ILDR2: variants seen among roughly 807,000 people sequenced by gnomAD.
The protein encoded by ILDR2 is immunoglobulin-like domain-containing receptor 2.
A neutral mutation model predicts 66.8 loss-of-function variants in ILDR2; 25 were observed. That is an observed-to-expected ratio of 0.37 (90% CI 0.27 to 0.52). The LOEUF (loss-of-function observed/expected upper bound fraction) is 0.52. Among genes scored for constraint, ILDR2 ranks in the 20% least tolerant of loss-of-function variants. The pLI is 0.88. For missense variants in ILDR2, 827 were observed against 876.8 expected, an observed-to-expected ratio of 0.94 and a Z score of 0.72; for synonymous variants, 367 against 357.2, an observed-to-expected ratio of 1.03 and a Z score of -0.31.
At chr1:166,898,762 A>G (rs1659212802) in intron 2 of ILDR2, among the ~76,000 whole-genome samples, 1 of 152,166 alleles carries the variant, frequency 6.6e-6, no homozygotes, top group African/African-American at 2.4e-5. Context: ...TGTTAAGGAA[A>G]CAAAGACAAA....
rs1659706892 is a variant in ILDR2, at chr1:166,917,952, A to G, written c.*1403T>C. 6.6e-6 allele frequency: 1 copy of G among 152,216 alleles called. No individual in the cohort carries two copies. The highest frequency in any genetic ancestry group is 2.4e-5 in the African/African-American group (1 of 41,454). The allele number at this position is 152,216 out of a possible 1,614,324, so 9.4% of individuals were successfully genotyped here. A position where few individuals can be genotyped will look rare whatever the true frequency, so the allele number is the denominator to read the frequency against. ...CAAAAGAGGACAAGCCCCATGCACA[A>G]GAACTTTTCAAGTCTCTGCTTGTGT... On this transcript the variant is annotated 3_prime_UTR_variant, in exon 10 of 10. Coordinates refer to ENST00000271417, the MANE Select transcript of ILDR2 (RefSeq NM_199351.3).
chr1:166,952,243 C>T (rs1662023999), intron 3 of ILDR2, among the ~76,000 whole-genome samples: 1 of 152,148 alleles, frequency 6.6e-6, no homozygotes, highest in Admixed American at 6.5e-5. Context: ...CTGTCCTTAC[C>T]ATGGATCCTA....
At chr1:166,952,784 A>T (rs1368027971) in intron 3 of ILDR2, among the ~76,000 whole-genome samples, 1 of 152,142 alleles carries the variant, frequency 6.6e-6, no homozygotes, top group African/African-American at 2.4e-5. Flanking sequence ...TTTTTAACAT[A>T]GCTTATTCTA....
At position 166,915,752 on chromosome 1, in the gene ILDR2, A is replaced by T. The variant is rs1659618133; in HGVS notation, c.*3603T>A. 6.6e-6 allele frequency: 1 copy of T among 152,242 alleles called. No individual in the cohort carries two copies. Among genetic ancestry groups the T allele is most frequent in the African/African-American group, 2.4e-5 (1 of 41,454 alleles). 9.4% of individuals were successfully genotyped at this position (152,242 alleles called of 1,614,324 possible). A position where few individuals can be genotyped will look rare whatever the true frequency, so the allele number is the denominator to read the frequency against. On this transcript the variant is annotated 3_prime_UTR_variant, in exon 10 of 10. Coordinates refer to ENST00000271417, the MANE Select transcript of ILDR2 (RefSeq NM_199351.3). ...CTATGTGAAATTTTGTGGACTATTCAGAAATATTTACAGATGTGGTCAGGT... is the reference window on the plus strand; with the variant it reads ...CTATGTGAAATTTTGTGGACTATTCTGAAATATTTACAGATGTGGTCAGGT...
At chr1:166,973,745 G>A (rs1321474829) in intron 1 of ILDR2, among the ~76,000 whole-genome samples, 3 of 152,026 alleles carry the variant, frequency 2.0e-5, no homozygotes, top group Non-Finnish European at 4.4e-5. Flanking sequence ...GGGTGGGAGT[G>A]GAAGGCACTG....
intron 1 of ILDR2, among the ~76,000 whole-genome samples, chr1:166,966,396 T>A (rs1662949795): frequency 6.6e-6 from 1 of 152,188 alleles, no homozygotes; most frequent in Non-Finnish European, 1.5e-5. Flanking sequence ...ATGATAGTGT[T>A]TTCGTATGTT....
Position 166,936,849 on chromosome 1 carries a change from GA to G in ILDR2, c.557-113del. ...GGGAGAGGAGGAGGGACCTAGGGAA[GA>G]AAGCTTCTCTTAACAGGAGACAGAG... On this transcript the variant is annotated intron_variant, in intron 4 of 9. Coordinates refer to ENST00000271417, the MANE Select transcript of ILDR2 (RefSeq NM_199351.3). This position sits in a 1 kb window ranked among gnomAD's most constrained non-coding sequence, Gnocchi z 5.0. The G allele has an allele frequency of 5.8e-6, 6 of 1,032,806 alleles. No homozygotes were observed. Among genetic ancestry groups the G allele is most frequent in the Non-Finnish European group, 8.7e-6 (6 of 691,788 alleles). 64.0% of individuals were successfully genotyped at this position (1,032,806 alleles called of 1,614,324 possible).
At position 166,921,177 on chromosome 1, in the gene ILDR2, C is replaced by G; in HGVS notation, c.1414G>C (p.Asp472His). Reference sequence around the variant, plus strand: ...TGACCGTAGTACTCCTCCAAGGAGTCGTCCTGGTAGAAGCCGCTGTGCGCC... The same window carrying G: ...TGACCGTAGTACTCCTCCAAGGAGTGGTCCTGGTAGAAGCCGCTGTGCGCC... ...SRAHSGFYQD[D>H]SLEEYYGQRS... The change falls in exon 9 of 10, where the codon GAC becomes CAC. Residue 472 changes from aspartate to histidine, a missense_variant. Asp to His is a moderately conservative substitution (Grantham distance 81). Around this residue, in one of 2 missense-constraint regions of ILDR2, gnomAD observed 390 missense variants for 353.6 expected, o/e 1.10. Coordinates refer to ENST00000271417, the MANE Select transcript of ILDR2 (RefSeq NM_199351.3). The surrounding 1 kb of genome is among the most constrained non-coding windows in gnomAD (Gnocchi z 5.3). 1 of 1,561,540 alleles carries G rather than the reference C, an allele frequency of 6.4e-7. No homozygotes were observed. The highest frequency in any genetic ancestry group is 8.6e-7 in the Non-Finnish European group (1 of 1,160,866).
intron 6 of ILDR2, among the ~76,000 whole-genome samples, chr1:166,929,904 T>A (rs186734216): frequency 1.2e-4 from 19 of 152,296 alleles, no homozygotes; most frequent in African/African-American, 3.4e-4. Context: ...TTAATTTTTT[T>A]AAGGAAAACT....
rs1338870096 is a variant in ILDR2, at chr1:166,975,524, C to T, written c.-256G>A. 2 of 147,130 alleles carry T rather than the reference C, an allele frequency of 1.4e-5. No individual in the cohort carries two copies. Among genetic ancestry groups the T allele is most frequent in the South Asian group, 2.1e-4 (1 of 4,806 alleles). The allele number at this position is 147,130 out of a possible 1,614,324, so 9.1% of individuals were successfully genotyped here. ...GCATCCGCATGCCCAGGCAGCGCGG[C>T]ACGGGGCGAGCGTCTCCCCGCCGCA... On this transcript the variant is annotated 5_prime_UTR_variant, in exon 1 of 10. Coordinates refer to ENST00000271417, the MANE Select transcript of ILDR2 (RefSeq NM_199351.3).
chr1:166,969,412 C>G (rs573724271), intron 1 of ILDR2, among the ~76,000 whole-genome samples: 3 of 152,334 alleles, frequency 2.0e-5, no homozygotes, highest in Middle Eastern at 3.4e-3. Context: ...TTTCAGAAAG[C>G]CAAAAACTAT....
At chr1:166,974,823 T>G (rs1318153885) in intron 1 of ILDR2, among the ~76,000 whole-genome samples, 1 of 152,060 alleles carries the variant, frequency 6.6e-6, no homozygotes, top group Non-Finnish European at 1.5e-5. Context: ...ATTAATCAGC[T>G]CCCTCTGAGC....
chr1:166,921,335 G>A lies in ILDR2; in HGVS notation c.1256C>T (p.Ala419Val). The change falls in exon 9 of 10, where the codon GCC becomes GTC. Residue 419 changes from alanine to valine, a missense_variant. Physicochemically the swap from Ala to Val is moderately conservative, Grantham distance 64. Transcript: ENST00000271417. The surrounding 1 kb of genome is among the most constrained non-coding windows in gnomAD (Gnocchi z 5.3). ...KSEMLSRKNF[A>V]TGVPAVSMDE... The stretch of plus-strand genomic sequence containing the variant: ...CATGGAAACGGCCGGCACCCCCGTG[G>A]CGAAGTTCTTCCGCGACAGCATCTC... 6.3e-7 allele frequency: 1 copy of A among 1,585,016 alleles called. No homozygotes were observed. The highest frequency in any genetic ancestry group is 8.6e-7 in the Non-Finnish European group (1 of 1,162,238).
At position 166,921,504 on chromosome 1, in the gene ILDR2, G is replaced by C. The variant is rs777978221; in HGVS notation, c.1212-125C>G. On this transcript the variant is annotated intron_variant, in intron 8 of 9. Transcript: ENST00000271417. This position sits in a 1 kb window ranked among gnomAD's most constrained non-coding sequence, Gnocchi z 5.3. ...AGACCTCGGCCTGAGCCTCAGCTCCGCTCCAGGCTGGATGAAGCATTCCAG... is the reference window on the plus strand; with the variant it reads ...AGACCTCGGCCTGAGCCTCAGCTCCCCTCCAGGCTGGATGAAGCATTCCAG... The C allele has an allele frequency of 3.7e-5, 28 of 765,762 alleles. No individual in the cohort carries two copies. Among genetic ancestry groups the C allele is most frequent in the Non-Finnish European group, 4.9e-5 (24 of 493,462 alleles). 47.4% of individuals were successfully genotyped at this position (765,762 alleles called of 1,614,324 possible). A position where few individuals can be genotyped will look rare whatever the true frequency, so the allele number is the denominator to read the frequency against.
chr1:166,936,717 C>G lies in ILDR2; in HGVS notation c.577G>C (p.Val193Leu). 6.2e-7 allele frequency: 1 copy of G among 1,614,134 alleles called. No homozygotes were observed. Among genetic ancestry groups the G allele is most frequent in the Non-Finnish European group, 8.5e-7 (1 of 1,180,018 alleles). ...IMPEWVFVGL[V>L]LLGVFLFFVL... The stretch of plus-strand genomic sequence containing the variant: ...AAGAAGAGGAAGACGCCCAGGAGCA[C>G]CAGGCCAACAAACACCCACTCTGGA... Residue 193 changes from valine (V) to leucine (L), a missense_variant, in exon 5 of 10, where the codon GTG (valine) becomes CTG (leucine). Physicochemically the swap from Val to Leu is conservative, Grantham distance 32 (BLOSUM62 1). Transcript: ENST00000271417. The surrounding 1 kb of genome is among the most constrained non-coding windows in gnomAD (Gnocchi z 5.0).
rs1331653027 is a variant in ILDR2, at chr1:166,922,612, G to C, written c.1192C>G (p.Arg398Gly). The change falls in exon 8 of 10, where the codon CGA (arginine) becomes GGA (glycine). Residue 398 changes from arginine (R) to glycine (G), a missense_variant. Coordinates refer to ENST00000271417, the MANE Select transcript of ILDR2 (RefSeq NM_199351.3). ...PSAMEYNKED[R>G]ESFRHSQPRS... The stretch of plus-strand genomic sequence containing the variant: ...CATCACCTGTGCCTGAAGCTCTCTC[G>C]ATCCTCTTTGTTATACTCCATGGCT... 4 of 1,613,896 alleles carry C rather than the reference G, an allele frequency of 2.5e-6. No individual in the cohort carries two copies. In the South Asian group the frequency reaches 3.3e-5, roughly 13 times the overall value.
At position 166,920,842 on chromosome 1, in the gene ILDR2, C is replaced by G. The variant is rs1193126970; in HGVS notation, c.1749G>C (p.Gln583His). Residue 583 changes from glutamine (Q) to histidine (H), a missense_variant, in exon 9 of 10, where the codon CAG becomes CAC. Around this residue, in one of 2 missense-constraint regions of ILDR2, gnomAD observed 390 missense variants for 353.6 expected, o/e 1.10. Coordinates refer to ENST00000271417, the MANE Select transcript of ILDR2 (RefSeq NM_199351.3). ...TYKAGSSQDD[Q>H]EDASDDALPP... is the part of the protein sequence containing the mutation. ...GCAGCGCGTCGTCGGACGCGTCCTC[C>G]TGGTCGTCCTGCGACGAGCCGGCCT... 4 of 1,514,716 alleles carry G rather than the reference C, an allele frequency of 2.6e-6. No individual in the cohort carries two copies. The East Asian group carries it at 1.1e-4, about 41-fold the overall frequency. The allele number at this position is 1,514,716 out of a possible 1,614,324, so 93.8% of individuals were successfully genotyped here. A position where few individuals can be genotyped will look rare whatever the true frequency, so the allele number is the denominator to read the frequency against.
At chr1:166,899,034 T>C (rs1659217373) in intron 2 of ILDR2, among the ~76,000 whole-genome samples, 1 of 152,058 alleles carries the variant, frequency 6.6e-6, no homozygotes, top group Non-Finnish European at 1.5e-5. Context: ...CATTTCAGCC[T>C]GGGTGACAAC....
At chr1:166,896,635 CTTTT>C (rs71753303) in intron 2 of ILDR2, among the ~76,000 whole-genome samples, 1 of 131,538 alleles carries the variant, frequency 7.6e-6, no homozygotes, top group Non-Finnish European at 1.6e-5. Context: ...ACTTCATCTA[CTTTT>C]TTTTTTTTTT....
Sources: gnomAD v4.1 joint callset for allele counts (sites outside exome capture counted in the v4.1 genomes callset) on GRCh38, gnomAD v4.1.1 for gene constraint, gnomAD v4.1.1 regional missense constraint, Gnocchi (gnomAD v3.1) non-coding constraint, MANE v1.5 for transcripts, NCBI Gene and HGNC (gene_info 2026-07-23, HGNC 2026-07-21) for gene names.